The following TOX3 variants were observed in gnomAD, a reference collection of about 807,000 sequenced individuals.
TOX3 encodes CAG trinucleotide repeat-containing gene F9 protein.
Under a neutral mutation model 64.3 loss-of-function variants are expected in TOX3, and 22 were observed. The observed-to-expected ratio is 0.34, with a 90% CI of 0.24 to 0.49. TOX3 has a LOEUF of 0.49. Ranked by LOEUF, TOX3 falls within the 20% of genes least tolerant of loss-of-function variation. The probability of loss-of-function intolerance (pLI) is 0.99; values close to 1 mark genes in which losing one functional copy is unlikely to be tolerated. For synonymous variants in TOX3, 291 were observed against 273.6 expected (o/e 1.06, Z -0.63); for missense variants, 661 against 714.4 (o/e 0.93, Z 0.85).
chr16:52,452,705 A>G (rs1435082586), intron 3 of TOX3, among the ~76,000 whole-genome samples: 2 of 152,192 alleles, frequency 1.3e-5, no homozygotes, highest in Admixed American at 6.5e-5. Flanking sequence ...AAATGGAAAA[A>G]AAAAGTAAAC....
At chr16:52,539,709 ACT>A in intron 1 of TOX3, among the ~76,000 whole-genome samples, 1 of 152,042 alleles carries the variant, frequency 6.6e-6, no homozygotes, top group East Asian at 1.9e-4. Flanking sequence ...CCAGTGCATG[ACT>A]CTGTGAGAAT....
chr16:52,439,797 G>T lies in TOX3; in HGVS notation c.1159C>A (p.Pro387Thr), dbSNP rs1416852026. 6.2e-7 allele frequency: 1 copy of T among 1,613,980 alleles called. No individual in the cohort carries two copies. The change falls in exon 7 of 7, where the codon CCC becomes ACC. Residue 387 changes from proline to threonine, a missense_variant. By Grantham distance (38) the Pro-to-Thr change is conservative. This residue lies in a region of TOX3 where 299 missense variants were observed against 292.1 expected (regional missense o/e 1.02). Transcript: ENST00000219746. Reference sequence around the variant, plus strand: ...TTCATGGGGAGTCTCATGGTTAAGGGTTTGGGAGCGATTGACCTAGGGAGG... The same window carrying T: ...TTCATGGGGAGTCTCATGGTTAAGGTTTTGGGAGCGATTGACCTAGGGAGG... ...QSLPRSIAPK[P>T]LTMRLPMNQI...
chr16:52,495,144 C>T (rs1391440837), intron 1 of TOX3, among the ~76,000 whole-genome samples: 1 of 152,090 alleles, frequency 6.6e-6, no homozygotes, highest in African/African-American at 2.4e-5. Flanking sequence ...AATTGTTGCC[C>T]ATCAATTGAC....
intron 1 of TOX3, among the ~76,000 whole-genome samples, chr16:52,504,224 T>A (rs1567339446): frequency 6.6e-6 from 1 of 151,972 alleles, no homozygotes; most frequent in Non-Finnish European, 1.5e-5. Flanking sequence ...CCCAGCACTT[T>A]GGGTGGCTGA....
At chr16:52,478,498 C>T (rs1477432159) in intron 1 of TOX3, among the ~76,000 whole-genome samples, 1 of 152,204 alleles carries the variant, frequency 6.6e-6, no homozygotes, top group African/African-American at 2.4e-5. Context: ...ATCAGAGATA[C>T]AAAGTCACTC....
At chr16:52,491,536 C>T (rs577702869) in intron 1 of TOX3, among the ~76,000 whole-genome samples, 2 of 152,244 alleles carry the variant, frequency 1.3e-5, no homozygotes, top group Admixed American at 6.5e-5. Context: ...GTATTGAGTG[C>T]TAAGTATGTG....
chr16:52,484,608 T>C (rs1179761483), intron 1 of TOX3, among the ~76,000 whole-genome samples: 2 of 152,056 alleles, frequency 1.3e-5, no homozygotes, highest in East Asian at 1.9e-4. Context: ...TTAACTCCTA[T>C]GTGCCAGAAA....
intron 1 of TOX3, among the ~76,000 whole-genome samples, chr16:52,541,012 C>G (rs1216132510): frequency 6.6e-6 from 1 of 152,066 alleles, no homozygotes; most frequent in African/African-American, 2.4e-5. Context: ...TTAGAAAGAG[C>G]AAACTCTTGA....
At chr16:52,440,005 C>T (rs1959912134) in intron 6 of TOX3, 37 bp from the exon 7 acceptor site, 6 of 1,457,260 alleles carry the variant, frequency 4.1e-6, no homozygotes, top group African/African-American at 1.4e-5. Context: ...ACTGTTACAA[C>T]ACATAAGTAT....
At chr16:52,462,930 A>T (rs535500014) in intron 3 of TOX3, among the ~76,000 whole-genome samples, 1 of 152,184 alleles carries the variant, frequency 6.6e-6, no homozygotes, top group African/African-American at 2.4e-5. Context: ...CTGCAATCCT[A>T]TTTGGGAAAG....
At chr16:52,495,031 T>G (rs1405753883) in intron 1 of TOX3, among the ~76,000 whole-genome samples, 1 of 152,212 alleles carries the variant, frequency 6.6e-6, no homozygotes, top group African/African-American at 2.4e-5. Flanking sequence ...TCGGTTCAAA[T>G]CCCATCCACT....
chr16:52,521,776 T>C (rs911815785), intron 1 of TOX3, among the ~76,000 whole-genome samples: 1 of 152,224 alleles, frequency 6.6e-6, no homozygotes, highest in African/African-American at 2.4e-5. Context: ...ATGCAAATTC[T>C]TGGGCCCTAC....
chr16:52,439,783 T>A lies in TOX3; in HGVS notation c.1173A>T (p.Arg391Ser). The A allele has an allele frequency of 6.2e-7, 1 of 1,613,388 alleles. No homozygotes were observed. The highest frequency in any genetic ancestry group is 8.5e-7 in the Non-Finnish European group (1 of 1,179,756). ...ATGTGACAATCTGGTTCATGGGGAG[T>A]CTCATGGTTAAGGGTTTGGGAGCGA... ...RSIAPKPLTMRLPMNQIVTSV... is the reference protein window; with the variant it reads ...RSIAPKPLTMSLPMNQIVTSV... Residue 391 changes from arginine to serine, a missense_variant, in exon 7 of 7, where the codon AGA (arginine) becomes AGT (serine). Physicochemically the swap from Arg to Ser is moderately radical, Grantham distance 110 (BLOSUM62 -1). This residue lies in a region of TOX3 where 299 missense variants were observed against 292.1 expected (regional missense o/e 1.02). Coordinates refer to ENST00000219746, the MANE Select transcript of TOX3 (RefSeq NM_001080430.4).
At chr16:52,466,091 C>T (rs1391023805) in intron 2 of TOX3, among the ~76,000 whole-genome samples, 1 of 152,128 alleles carries the variant, frequency 6.6e-6, no homozygotes, top group Non-Finnish European at 1.5e-5. Flanking sequence ...GTAACAGATG[C>T]AACTGTAATT....
intron 1 of TOX3, among the ~76,000 whole-genome samples, chr16:52,498,559 T>C (rs755492945): frequency 6.6e-6 from 1 of 151,850 alleles, no homozygotes; most frequent in Non-Finnish European, 1.5e-5. Flanking sequence ...CCTCCCAACA[T>C]CCCTGTCAAA....
chr16:52,479,259 A>G lies in TOX3; in HGVS notation c.88-10685T>C, dbSNP rs1330145827. ...GGCAAAGGCCTACCTAATGTCATCA[A>G]AGTGAGCCTTGCATACCAAGAAATG... On this transcript the variant is annotated intron_variant, in intron 1 of 6. Transcript: ENST00000219746. 2.2e-4 allele frequency among the ~76,000 whole-genome samples: 33 copies of G among 152,200 alleles called. 1 individual carries two copies. Among genetic ancestry groups the G allele is most frequent in the Admixed American group, 2.2e-3 (33 of 15,280 alleles).
At chr16:52,529,696 T>C (rs751960498) in intron 1 of TOX3, among the ~76,000 whole-genome samples, 1 of 152,204 alleles carries the variant, frequency 6.6e-6, no homozygotes, top group Non-Finnish European at 1.5e-5. Context: ...AGAACAAGAA[T>C]GGTAAGATTA....
intron 1 of TOX3, among the ~76,000 whole-genome samples, chr16:52,515,290 T>G (rs1260440411): frequency 6.6e-6 from 1 of 152,068 alleles, no homozygotes; most frequent in Non-Finnish European, 1.5e-5. Flanking sequence ...TTTGGCCAGA[T>G]AGTATGGTTT....
chr16:52,461,244 A>T (rs1960677511), intron 3 of TOX3, among the ~76,000 whole-genome samples: 1 of 152,172 alleles, frequency 6.6e-6, no homozygotes, highest in South Asian at 2.1e-4. Context: ...GTTGATTTTG[A>T]CTTGCCAACC....
Sources: gnomAD v4.1 joint callset for allele counts (sites outside exome capture counted in the v4.1 genomes callset) on GRCh38, gnomAD v4.1.1 for gene constraint, gnomAD v4.1.1 regional missense constraint, MANE v1.5 for transcripts, NCBI Gene and HGNC (gene_info 2026-07-23, HGNC 2026-07-21) for gene names.